The following KCNH1 variants were observed in gnomAD, a reference collection of about 807,000 sequenced individuals.
KCNH1 encodes voltage-gated delayed rectifier potassium channel KCNH1.
Under a neutral mutation model 69.2 loss-of-function variants are expected in KCNH1, and 27 were observed. The ratio of observed to expected loss-of-function variants is 0.39; its 90% CI spans 0.29 to 0.54. The LOEUF (loss-of-function observed/expected upper bound fraction) is 0.54. KCNH1 is among the 20% of genes least tolerant of loss of function. KCNH1 has a pLI of 0.68. For missense variants in KCNH1, 798 were observed against 1,261.6 expected (o/e 0.63, Z 5.57); for synonymous variants, 456 against 487.7 (o/e 0.93, Z 0.86).
intron 6 of KCNH1, among the ~76,000 whole-genome samples, chr1:211,006,466 A>G (rs771230319): frequency 3.3e-5 from 5 of 152,176 alleles, no homozygotes; most frequent in Non-Finnish European, 7.4e-5. Flanking sequence ...TCATTGTCCT[A>G]TTTAATTTAT....
intron 6 of KCNH1, among the ~76,000 whole-genome samples, chr1:210,930,326 A>G (rs1687657127): frequency 1.3e-5 from 2 of 152,246 alleles, no homozygotes; most frequent in African/African-American, 2.4e-5. Context: ...TAGTACTGGT[A>G]TAAAAATAAG....
intron 10 of KCNH1, among the ~76,000 whole-genome samples, chr1:210,687,348 T>G (rs763780805): frequency 2.0e-5 from 3 of 152,250 alleles, no homozygotes; most frequent in Non-Finnish European, 4.4e-5. Context: ...TCAGGTGTTC[T>G]GACTGAGTGG....
At chr1:211,082,004 T>G (rs1346412651) in intron 5 of KCNH1, among the ~76,000 whole-genome samples, 2 of 151,760 alleles carry the variant, frequency 1.3e-5, no homozygotes, top group East Asian at 3.9e-4. Context: ...AAAAATAAAA[T>G]AAAAATAAAG....
intron 4 of KCNH1, among the ~76,000 whole-genome samples, chr1:211,086,314 G>C (rs1305616972): frequency 6.6e-6 from 1 of 151,984 alleles, no homozygotes; most frequent in Non-Finnish European, 1.5e-5. Flanking sequence ...CCTGTCTTTT[G>C]CCAGGCATTT....
At chr1:210,760,254 A>AT (rs1220570008) in intron 10 of KCNH1, among the ~76,000 whole-genome samples, 7 of 152,212 alleles carry the variant, frequency 4.6e-5, no homozygotes, top group African/African-American at 1.4e-4. Context: ...AGGCAGCTAG[A>AT]TAAAAAGGAT....
Position 210,787,334 on chromosome 1 carries a change from G to A in KCNH1, c.1915+10174C>T, listed in dbSNP as rs565813105. Among the ~76,000 whole-genome samples, 14 of 152,164 alleles carry A rather than the reference G, an allele frequency of 9.2e-5. 1 individual carries two copies. The South Asian group carries it at 2.1e-3, about 23-fold the overall frequency. ...AAGCCATCCTTGACTTCTCATAGCC[G>A]CTGGATTAGATGCCTGTCATATAAG... is the stretch of plus-strand genomic sequence containing the variant. On this transcript the variant is annotated intron_variant, in intron 9 of 10. Coordinates refer to ENST00000271751, the MANE Select transcript of KCNH1 (RefSeq NM_172362.3).
At chr1:210,912,751 A>G (rs1558522693) in intron 7 of KCNH1, among the ~76,000 whole-genome samples, 1 of 152,220 alleles carries the variant, frequency 6.6e-6, no homozygotes, top group Non-Finnish European at 1.5e-5. Flanking sequence ...CAAAGCATTA[A>G]TCATGGGCAG....
chr1:210,806,806 CCAAAAAAAAAAAA>C (rs1453327055), intron 7 of KCNH1, among the ~76,000 whole-genome samples: 1,009 of 86,174 alleles, frequency 0.012, 150 homozygotes, highest in African/African-American at 0.037. Flanking sequence ...CCCATCTCTA[CCAAAAAAAAAAAA>C]AAAAAAAAAA....
chr1:210,946,325 G>A (rs1687958028), intron 6 of KCNH1, among the ~76,000 whole-genome samples: 1 of 152,106 alleles, frequency 6.6e-6, no homozygotes, highest in South Asian at 2.1e-4. Context: ...GGGAGCATGT[G>A]TATCCATGCT....
Position 210,911,935 on chromosome 1 carries a change from G to A in KCNH1, c.1462+7705C>T, listed in dbSNP as rs112419616. 7.5e-3 allele frequency among the ~76,000 whole-genome samples: 1,133 copies of A among 151,982 alleles called. 10 individuals are homozygous for A. Among genetic ancestry groups the A allele is most frequent in the Admixed American group, 0.011 (174 of 15,264 alleles). On this transcript the variant is annotated intron_variant, in intron 7 of 10. Transcript: ENST00000271751. ...CCTGATTCTTTACTCTGCATCCCCC[G>A]ACCAAACACACATCACAAAGAACAT... is the stretch of plus-strand genomic sequence containing the variant.
At chr1:210,872,185 C>T (rs77756515) in intron 7 of KCNH1, among the ~76,000 whole-genome samples, 15 of 146,706 alleles carry the variant, frequency 1.0e-4, no homozygotes, top group East Asian at 2.0e-4. Flanking sequence ...GCAAGATAAT[C>T]GATGTTAAGT....
Position 210,683,535 on chromosome 1 carries a change from TGGGACTCCGATCCTG to T in KCNH1, c.2701_2715del (p.Gln901_Pro905del), listed in dbSNP as rs1182217182. 1.2e-6 allele frequency: 2 copies of T among 1,613,990 alleles called. No homozygotes were observed. Among genetic ancestry groups the T allele is most frequent in the African/African-American group, 1.3e-5 (1 of 74,896 alleles). Reference sequence around the variant, plus strand: ...AACGAATGCTTGACCTCTGCCAGGATGGGACTCCGATCCTGGGGACTCCTGGCCTCACCCACGTTG... The same window carrying T: ...AACGAATGCTTGACCTCTGCCAGGATGGGACTCCTGGCCTCACCCACGTTG... On this transcript the variant is annotated inframe_deletion, in exon 11 of 11. Coordinates refer to ENST00000271751, the MANE Select transcript of KCNH1 (RefSeq NM_172362.3). This position sits in a 1 kb window ranked among gnomAD's most constrained non-coding sequence, Gnocchi z 5.7.
chr1:211,007,311 T>C (rs1689303183), intron 6 of KCNH1, among the ~76,000 whole-genome samples: 1 of 152,226 alleles, frequency 6.6e-6, no homozygotes, highest in Admixed American at 6.5e-5. Flanking sequence ...ATTGTTCTCT[T>C]CTATCAGAGC....
intron 9 of KCNH1, among the ~76,000 whole-genome samples, chr1:210,780,407 AT>A (rs2102378119): frequency 6.6e-6 from 1 of 152,310 alleles, no homozygotes; most frequent in South Asian, 2.1e-4. Context: ...TGAGATCATT[AT>A]TTCTAGACCC....
chr1:211,012,752 C>G (rs1689416312), intron 6 of KCNH1, among the ~76,000 whole-genome samples: 1 of 152,056 alleles, frequency 6.6e-6, no homozygotes, highest in Non-Finnish European at 1.5e-5. Context: ...AAAGAATGAA[C>G]CCTCGTGTAA....
chr1:210,851,612 C>T (rs977077200), intron 7 of KCNH1, among the ~76,000 whole-genome samples: 3 of 152,098 alleles, frequency 2.0e-5, no homozygotes, highest in East Asian at 1.9e-4. Flanking sequence ...TTAGGTGATC[C>T]CATCCTTGTG....
intron 5 of KCNH1, among the ~76,000 whole-genome samples, chr1:211,034,158 T>C (rs893227609): frequency 6.6e-6 from 1 of 152,326 alleles, no homozygotes; most frequent in East Asian, 1.9e-4. Flanking sequence ...GCTTTACTCA[T>C]AATTGGCCAA....
chr1:210,897,570 T>A (rs1463393584), intron 7 of KCNH1, among the ~76,000 whole-genome samples: 1 of 152,150 alleles, frequency 6.6e-6, no homozygotes, highest in African/African-American at 2.4e-5. Flanking sequence ...GGATATGAAA[T>A]CAGACAAGAG....
At chr1:211,051,343 C>A (rs545341478) in intron 5 of KCNH1, among the ~76,000 whole-genome samples, 38 of 152,008 alleles carry the variant, frequency 2.5e-4, no homozygotes, top group Non-Finnish European at 5.0e-4. Context: ...CTAATGGAGG[C>A]GGCAAACCTG....
Sources: allele counts gnomAD v4.1 joint callset (sites outside exome capture counted in the v4.1 genomes callset), GRCh38; gene constraint gnomAD v4.1.1; non-coding constraint Gnocchi (gnomAD v3.1); transcripts MANE v1.5; gene names NCBI Gene and HGNC (gene_info 2026-07-23, HGNC 2026-07-21).